Variants in KANSL1 observed in about 807,000 individuals in gnomAD.
The protein encoded by KANSL1 is KAT8 regulatory NSL complex subunit 1.
Under a neutral mutation model 103.6 loss-of-function variants are expected in KANSL1, and 22 were observed. The observed-to-expected ratio is 0.21, with a 90% CI of 0.15 to 0.30. The LOEUF (loss-of-function observed/expected upper bound fraction) is 0.30. KANSL1 is among the 10% of genes least tolerant of loss of function. The probability of loss-of-function intolerance (pLI) is 1.00; values close to 1 mark genes in which losing one functional copy is unlikely to be tolerated. For synonymous variants in KANSL1, 600 were observed against 527.6 expected, an observed-to-expected ratio of 1.14 and a Z score of -1.88; for missense variants, 1,337 against 1,399.8, an observed-to-expected ratio of 0.96 and a Z score of 0.72.
intron 1 of KANSL1, among the ~76,000 whole-genome samples, chr17:46,204,482 T>C (rs2047901774): frequency 6.6e-6 from 1 of 152,180 alleles, no homozygotes; most frequent in Middle Eastern, 3.2e-3. Flanking sequence ...CAAACAGTTA[T>C]ATCTTTAATT....
At chr17:46,186,653 G>C (rs1290846706) in intron 1 of KANSL1, among the ~76,000 whole-genome samples, 1 of 152,242 alleles carries the variant, frequency 6.6e-6, no homozygotes, top group East Asian at 1.9e-4. Context: ...GGTCTTCAAA[G>C]AGCTTCAGTT....
intron 7 of KANSL1, chr17:46,043,813 C>A (rs1000048091): frequency 3.3e-5 from 5 of 152,190 alleles, no homozygotes; most frequent in Non-Finnish European, 7.3e-5. Flanking sequence ...TCATGGAACA[C>A]TACCTTGTAC....
At chr17:46,184,285 G>C (rs1484286525) in intron 1 of KANSL1, among the ~76,000 whole-genome samples, 1 of 152,206 alleles carries the variant, frequency 6.6e-6, no homozygotes, top group Non-Finnish European at 1.5e-5. Context: ...GCAACACACA[G>C]AATGACAGGC....
At chr17:46,096,097 G>A (rs965094324) in intron 2 of KANSL1, among the ~76,000 whole-genome samples, 20 of 150,886 alleles carry the variant, frequency 1.3e-4, no homozygotes, top group Non-Finnish European at 2.9e-5. Context: ...AATACTTAGC[G>A]AGGTGTAAAA....
intron 3 of KANSL1, among the ~76,000 whole-genome samples, chr17:46,089,241 CAG>C (rs1174726151): frequency 6.6e-6 from 1 of 152,110 alleles, no homozygotes; most frequent in African/African-American, 2.4e-5. Context: ...AGAAGTAGTA[CAG>C]AGGAGTTCCT....
chr17:46,110,280 A>G (rs771375613), intron 2 of KANSL1, among the ~76,000 whole-genome samples: 3 of 152,236 alleles, frequency 2.0e-5, no homozygotes, highest in Non-Finnish European at 4.4e-5. Context: ...TCATTTTACT[A>G]GTGTTTCCTC....
intron 1 of KANSL1, among the ~76,000 whole-genome samples, chr17:46,210,510 G>A (rs1327208744): frequency 1.6e-4 from 5 of 32,226 alleles, no homozygotes; most frequent in African/African-American, 2.0e-4. Flanking sequence ...AAAGACCTGA[G>A]TGGCCACAGG....
At chr17:46,190,787 C>A (rs2047277845) in intron 1 of KANSL1, among the ~76,000 whole-genome samples, 1 of 152,260 alleles carries the variant, frequency 6.6e-6, no homozygotes, top group Non-Finnish European at 1.5e-5. Flanking sequence ...CACTTTGTTG[C>A]ATAAACCTAG....
intron 1 of KANSL1, chr17:46,215,278 G>C (rs572120536): frequency 5.9e-5 from 9 of 152,618 alleles, no homozygotes; most frequent in African/African-American, 1.4e-4. Context: ...AGAACAACAG[G>C]GTTCACAGAA....
intron 1 of KANSL1, among the ~76,000 whole-genome samples, chr17:46,214,368 T>A (rs2957296): frequency 0.11 from 16,997 of 149,636 alleles, no homozygotes; most frequent in Non-Finnish European, 0.17. Context: ...GAGCAAGCAG[T>A]GATGGCCGGG....
rs1189248208 is a variant in KANSL1 at position 46,171,242 on chromosome 17, A to G, written c.902T>C (p.Leu301Ser). The G allele has an allele frequency of 1.2e-6, 2 of 1,614,110 alleles. No individual in the cohort carries two copies. The highest frequency in any genetic ancestry group is 1.7e-6 in the Non-Finnish European group (2 of 1,180,046). Residue 301 changes from leucine (L) to serine (S), a missense_variant, in exon 2 of 15, where the codon TTA (leucine) becomes TCA (serine). Around this residue, in one of 2 missense-constraint regions of KANSL1, gnomAD observed 557 missense variants for 476.4 expected, o/e 1.17. Coordinates refer to ENST00000432791, the MANE Select transcript of KANSL1 (RefSeq NM_015443.4). Reference protein sequence around the residue: ...QADIESRARRLQKRLQVVQAK... With the variant: ...QADIESRARRSQKRLQVVQAK... ...TTGCACAACCTGTAAGCGCTTTTGT[A>G]ATCTGCGGGCACGGCTCTCAATGTC...
At chr17:46,168,029 C>T (rs1370768029) in intron 2 of KANSL1, among the ~76,000 whole-genome samples, 1 of 152,172 alleles carries the variant, frequency 6.6e-6, no homozygotes, top group Non-Finnish European at 1.5e-5. Context: ...CTATCTTGGG[C>T]AAAAGAGTAA....
intron 10 of KANSL1, among the ~76,000 whole-genome samples, chr17:46,036,220 T>A (rs952383450): frequency 3.3e-5 from 5 of 152,192 alleles, no homozygotes; most frequent in Admixed American, 2.6e-4. Context: ...ATCAGATCTT[T>A]AGAAGTGTCT....
intron 10 of KANSL1, chr17:46,035,810 A>G (rs2077129665): frequency 6.6e-6 from 1 of 151,762 alleles, no homozygotes; most frequent in Non-Finnish European, 1.5e-5. Context: ...TGTTGTTAGT[A>G]CCTTCGAGAA....
At chr17:46,118,018 CA>C (rs1373874099) in intron 2 of KANSL1, among the ~76,000 whole-genome samples, 2 of 152,202 alleles carry the variant, frequency 1.3e-5, no homozygotes, top group Non-Finnish European at 2.9e-5. Flanking sequence ...TAACATTTCT[CA>C]AAAGCCTTAA....
At chr17:46,085,347 G>A (rs66524664) in intron 3 of KANSL1, among the ~76,000 whole-genome samples, 22,047 of 152,126 alleles carry the variant, frequency 0.14, 1,911 homozygotes, top group East Asian at 0.46. Flanking sequence ...AAAATGTCCC[G>A]GGTTAATGAG....
intron 4 of KANSL1, among the ~76,000 whole-genome samples, chr17:46,076,204 T>G (rs2078761963): frequency 6.6e-6 from 1 of 152,200 alleles, no homozygotes; most frequent in Non-Finnish European, 1.5e-5. Flanking sequence ...AAAAATTGTT[T>G]TGGCTACTGG....
intron 2 of KANSL1, among the ~76,000 whole-genome samples, chr17:46,112,460 G>A (rs1470206177): frequency 2.7e-5 from 4 of 150,830 alleles, no homozygotes; most frequent in Non-Finnish European, 4.4e-5. Flanking sequence ...TGAGGCGAGC[G>A]GATCACCTGA....
intron 6 of KANSL1, among the ~76,000 whole-genome samples, chr17:46,055,152 A>G (rs2077873759): frequency 6.6e-6 from 1 of 150,392 alleles, no homozygotes; most frequent in African/African-American, 2.4e-5. Flanking sequence ...TCCGGCCCAA[A>G]GTAAGTTTTA....
Sources: allele counts gnomAD v4.1 joint callset (sites outside exome capture counted in the v4.1 genomes callset), GRCh38; gene constraint gnomAD v4.1.1; regional missense constraint gnomAD v4.1.1; transcripts MANE v1.5; gene names NCBI Gene and HGNC (gene_info 2026-07-23, HGNC 2026-07-21).